Variants in FGF13 observed in about 807,000 individuals in gnomAD.
The protein encoded by FGF13 is fibroblast growth factor homologous factor 2.
In FGF13, 2 loss-of-function variants were observed where a neutral mutation model predicts 19.5. The ratio of observed to expected loss-of-function variants is 0.10; its 90% confidence interval spans 0.04 to 0.32. The LOEUF is 0.32. Ranked by LOEUF, FGF13 falls within the 10% of genes least tolerant of loss-of-function variation. The probability of loss-of-function intolerance (pLI) is 1.00; values close to 1 mark genes in which losing one functional copy is unlikely to be tolerated. For missense variants in FGF13, 113 were observed against 192.7 expected (o/e 0.59, Z 2.45); for synonymous variants, 72 against 76.9 (o/e 0.94, Z 0.33).
intron 1 of FGF13, among the ~76,000 whole-genome samples, chrX:139,164,092 T>G (rs2084058440): frequency 1.3e-5 from 1 of 75,722 alleles, no homozygotes; most frequent in African/African-American, 5.9e-5. Flanking sequence ...GGCTGAGTTT[T>G]CTTTTTTTTT....
At chrX:138,916,490 A>G (rs1394989446) in intron 1 of FGF13, among the ~76,000 whole-genome samples, 8 of 112,167 alleles carry the variant, frequency 7.1e-5, no homozygotes, top group Non-Finnish European at 1.5e-4. Flanking sequence ...ACAGCAATGA[A>G]TCAGAAAAAG....
At chrX:139,067,953 G>A (rs1301342624) in intron 1 of FGF13, among the ~76,000 whole-genome samples, 4 of 105,197 alleles carry the variant, frequency 3.8e-5, no homozygotes, top group African/African-American at 1.1e-4. Flanking sequence ...CACTCTGATG[G>A]TAGTTTCTTT....
intron 1 of FGF13, among the ~76,000 whole-genome samples, chrX:138,984,585 A>AGGAGG (rs2091982158): frequency 1.6e-4 from 3 of 18,342 alleles, no homozygotes; most frequent in African/African-American, 3.2e-4. Context: ...GAAGAAGAAG[A>AGGAGG]AGAAGGAGGA....
chrX:138,684,234 C>A (rs772694273), intron 3 of FGF13, among the ~76,000 whole-genome samples: 2 of 111,358 alleles, frequency 1.8e-5, no homozygotes, highest in African/African-American at 6.5e-5. Context: ...TAATTGATAA[C>A]CTGACAAAGG....
intron 3 of FGF13, among the ~76,000 whole-genome samples, chrX:138,833,165 AT>A (rs1434940446): frequency 2.7e-5 from 3 of 112,025 alleles, no homozygotes; most frequent in Non-Finnish European, 5.6e-5. Context: ...TAGGTTCCAT[AT>A]GAATTTTAAA....
intron 1 of FGF13, among the ~76,000 whole-genome samples, chrX:138,961,666 C>CAG (rs756143975): frequency 8.9e-5 from 10 of 111,760 alleles, no homozygotes; most frequent in Non-Finnish European, 1.5e-4. Context: ...TGGAACAGAA[C>CAG]AGAGCCCTCA....
At chrX:138,719,883 A>T (rs1398626847) in intron 1 of FGF13, among the ~76,000 whole-genome samples, 1 of 112,973 alleles carries the variant, frequency 8.9e-6, no homozygotes, top group African/African-American at 3.2e-5. Context: ...TTAGAAACTG[A>T]TTTCCTAACA....
intron 3 of FGF13, among the ~76,000 whole-genome samples, chrX:138,837,444 C>T (rs1306181915): frequency 8.9e-6 from 1 of 111,798 alleles, no homozygotes. Flanking sequence ...CTTTAAAAAG[C>T]AGTCTGACCA....
At chrX:139,143,199 G>A (rs191011932) in intron 1 of FGF13, among the ~76,000 whole-genome samples, 8 of 111,842 alleles carry the variant, frequency 7.2e-5, no homozygotes, top group Admixed American at 2.8e-4. Context: ...ATGTTGAAAG[G>A]GGAGCCAGAA....
chrX:138,965,291 G>A (rs943289569), intron 1 of FGF13, among the ~76,000 whole-genome samples: 2 of 112,099 alleles, frequency 1.8e-5, no homozygotes, highest in Non-Finnish European at 3.8e-5. Context: ...TCTATCATGT[G>A]GTATTGCCAT....
chrX:139,199,508 G>A (rs939034114), intron 1 of FGF13, among the ~76,000 whole-genome samples: 2 of 112,308 alleles, frequency 1.8e-5, no homozygotes, highest in African/African-American at 6.5e-5. Context: ...AAACAGCACA[G>A]CTGCAAAGAG....
chrX:138,968,886 T>C (rs1325004430), intron 1 of FGF13, among the ~76,000 whole-genome samples: 1 of 112,301 alleles, frequency 8.9e-6, no homozygotes, highest in African/African-American at 3.2e-5. Flanking sequence ...TCTCACAGAA[T>C]GTAAAGTCTA....
chrX:138,830,763 G>T (rs1200959898), intron 3 of FGF13, among the ~76,000 whole-genome samples: 6 of 107,000 alleles, frequency 5.6e-5, no homozygotes, highest in Non-Finnish European at 9.7e-5. Flanking sequence ...GAGAAAAGGT[G>T]TGTTTAGGAG....
At chrX:138,988,048 T>G (rs192781273) in intron 1 of FGF13, among the ~76,000 whole-genome samples, 1 of 112,128 alleles carries the variant, frequency 8.9e-6, no homozygotes, top group East Asian at 2.8e-4. Flanking sequence ...GTTCCCTAGT[T>G]TCCAACAACA....
chrX:138,933,779 C>T (rs2091717226), intron 1 of FGF13, among the ~76,000 whole-genome samples: 1 of 111,701 alleles, frequency 9.0e-6, no homozygotes, highest in Admixed American at 9.5e-5. Context: ...CAATGTCCAG[C>T]TCAAAACTTG....
At chrX:138,914,051 T>A (rs1290745648) in intron 1 of FGF13, among the ~76,000 whole-genome samples, 1 of 109,254 alleles carries the variant, frequency 9.2e-6, no homozygotes, top group Non-Finnish European at 1.9e-5. Context: ...ATGCAAAACA[T>A]CATGGAAAAT....
chrX:138,688,947 A>G (rs1171860577), intron 3 of FGF13, among the ~76,000 whole-genome samples: 1 of 111,803 alleles, frequency 8.9e-6, no homozygotes, highest in Non-Finnish European at 1.9e-5. Context: ...GCATCTTTGA[A>G]AATATCTGTC....
chrX:139,161,240 A>G (rs906085839), intron 1 of FGF13, among the ~76,000 whole-genome samples: 1 of 112,202 alleles, frequency 8.9e-6, no homozygotes, highest in African/African-American at 3.2e-5. Flanking sequence ...AACCAATGAC[A>G]AAAACCACAT....
intron 1 of FGF13, among the ~76,000 whole-genome samples, chrX:138,874,376 G>A (rs1001876285): frequency 2.7e-5 from 3 of 110,422 alleles, no homozygotes; most frequent in Non-Finnish European, 5.7e-5. Flanking sequence ...GAGTTCCTAT[G>A]AAATGCAGAA....
Sources: allele counts gnomAD v4.1 joint callset (sites outside exome capture counted in the v4.1 genomes callset), GRCh38; gene constraint gnomAD v4.1.1; transcripts MANE v1.5; gene names NCBI Gene and HGNC (gene_info 2026-07-23, HGNC 2026-07-21).